Variants in MGAT4A observed in about 807,000 individuals in gnomAD.
MGAT4A encodes alpha-1,3-mannosyl-glycoprotein 4-beta-N-acetylglucosaminyltransferase A.
In MGAT4A, 33 loss-of-function variants were observed where a neutral mutation model predicts 74.1. That is an observed-to-expected ratio of 0.45 (90% confidence interval 0.34 to 0.60). The LOEUF is 0.60. Among genes scored for constraint, MGAT4A ranks in the 20% least tolerant of loss-of-function variants. MGAT4A has a pLI of 0.02. For missense variants in MGAT4A, 479 were observed against 628.3 expected (o/e 0.76, Z 2.54); for synonymous variants, 198 against 210.4 (o/e 0.94, Z 0.51).
intron 2 of MGAT4A, among the ~76,000 whole-genome samples, chr2:98,687,716 A>G (rs1428852895): frequency 1.3e-5 from 2 of 151,788 alleles, no homozygotes; most frequent in Admixed American, 1.3e-4. Flanking sequence ...GTTTCAAATT[A>G]CTGAGGACTT....
In MGAT4A at chr2:98,623,741, A is replaced by C; in HGVS notation, c.*1825T>G. The stretch of plus-strand genomic sequence containing the variant: ...AACATGGAGTGATGGAAATAATTGT[A>C]CTGTATCAGTGTTTCCAAACGTTTG... On this transcript the variant is annotated 3_prime_UTR_variant, in exon 16 of 16. Transcript: ENST00000393487. 4 of 985,460 alleles carry C rather than the reference A, an allele frequency of 4.1e-6. No homozygotes were observed. The highest frequency in any genetic ancestry group is 4.8e-6 in the Non-Finnish European group (4 of 829,930). 61.0% of individuals were successfully genotyped at this position (985,460 alleles called of 1,614,324 possible). A position where few individuals can be genotyped will look rare whatever the true frequency, so the allele number is the denominator to read the frequency against.
At chr2:98,662,402 C>A (rs772398045) in intron 5 of MGAT4A, among the ~76,000 whole-genome samples, 14 of 152,064 alleles carry the variant, frequency 9.2e-5, no homozygotes, top group Non-Finnish European at 1.6e-4. Flanking sequence ...TTGTTTACTT[C>A]TCTAATAAGG....
chr2:98,657,410 CTTAAGA>C (rs1310147519), intron 6 of MGAT4A, among the ~76,000 whole-genome samples: 2 of 152,170 alleles, frequency 1.3e-5, no homozygotes, highest in Non-Finnish European at 2.9e-5. Flanking sequence ...TGCCCTGTTC[CTTAAGA>C]AGTCTATGCC....
chr2:98,685,396 G>A (rs952006075), intron 2 of MGAT4A, among the ~76,000 whole-genome samples: 4 of 152,060 alleles, frequency 2.6e-5, no homozygotes, highest in African/African-American at 9.7e-5. Flanking sequence ...GGAAGCCACT[G>A]CCTTTGAAAA....
chr2:98,626,342 A>G (rs1238141010), intron 14 of MGAT4A, among the ~76,000 whole-genome samples: 1 of 152,180 alleles, frequency 6.6e-6, no homozygotes, highest in Non-Finnish European at 1.5e-5. Context: ...TGCCTCCTCT[A>G]CACAGTTCAA....
At chr2:98,667,177 A>C (rs1701845265) in intron 4 of MGAT4A, among the ~76,000 whole-genome samples, 1 of 152,216 alleles carries the variant, frequency 6.6e-6, no homozygotes, top group South Asian at 2.1e-4. Context: ...CTCCCTAGCC[A>C]CATGGAACTG....
intron 8 of MGAT4A, among the ~76,000 whole-genome samples, chr2:98,654,364 G>T: frequency 1.3e-5 from 2 of 148,196 alleles, no homozygotes; most frequent in South Asian, 2.2e-4. Context: ...AAAAGAAGAA[G>T]TAAAATTATC....
intron 4 of MGAT4A, among the ~76,000 whole-genome samples, chr2:98,665,962 T>C (rs945465714): frequency 6.6e-6 from 1 of 152,232 alleles, no homozygotes; most frequent in African/African-American, 2.4e-5. Context: ...TCACATTGCA[T>C]ATAACAAAGT....
chr2:98,677,297 A>G (rs917913791), intron 3 of MGAT4A, among the ~76,000 whole-genome samples: 1 of 152,312 alleles, frequency 6.6e-6, no homozygotes, highest in Middle Eastern at 3.4e-3. Flanking sequence ...TAGCTCAAAG[A>G]TTTCTCCAGA....
At chr2:98,695,499 T>G (rs1702259054) in intron 2 of MGAT4A, 1 of 173,234 alleles carries the variant, frequency 5.8e-6, no homozygotes, top group South Asian at 1.6e-4. Context: ...ACTAAATGCA[T>G]GCAGGGTGTT....
chr2:98,687,329 G>A (rs1402942250), intron 2 of MGAT4A, among the ~76,000 whole-genome samples: 1 of 152,076 alleles, frequency 6.6e-6, no homozygotes, highest in Admixed American at 6.5e-5. Flanking sequence ...CAAACATATA[G>A]CTAAGTGTAC....
chr2:98,708,137 A>C (rs1444128596), intron 2 of MGAT4A, among the ~76,000 whole-genome samples: 1 of 149,678 alleles, frequency 6.7e-6, no homozygotes, highest in Non-Finnish European at 1.5e-5. Context: ...TAGTGAGCTC[A>C]GTTTTTTTTT....
At chr2:98,656,267 T>C (rs758361805) in intron 7 of MGAT4A, 85 bp downstream of exon 7, 216 of 992,412 alleles carry the variant, frequency 2.2e-4, no homozygotes, top group Admixed American at 3.6e-4. Context: ...AACTCTAAAA[T>C]GTTTTCAGCT....
intron 14 of MGAT4A, among the ~76,000 whole-genome samples, chr2:98,630,271 C>T (rs983023897): frequency 2.0e-5 from 3 of 152,096 alleles, no homozygotes; most frequent in Non-Finnish European, 4.4e-5. Flanking sequence ...AAGAATGAGT[C>T]GTAAACACAC....
chr2:98,690,020 G>T (rs1702174249), intron 2 of MGAT4A, among the ~76,000 whole-genome samples: 1 of 151,710 alleles, frequency 6.6e-6, no homozygotes, highest in African/African-American at 2.4e-5. Flanking sequence ...AAAAAAAAAG[G>T]ACCAAGAAAA....
chr2:98,625,016 A>G lies in MGAT4A; in HGVS notation c.*550T>C. 1.0e-6 allele frequency: 1 copy of G among 984,170 alleles called. No individual in the cohort carries two copies. The highest frequency in any genetic ancestry group is 1.7e-5 in the African/African-American group (1 of 57,320). The allele number at this position is 984,170 out of a possible 1,614,324, so 61.0% of individuals were successfully genotyped here. On this transcript the variant is annotated 3_prime_UTR_variant, in exon 16 of 16. Transcript: ENST00000393487. ...AATGTTTGCATTTCCAAAGAAAAAT[A>G]TAGAAAGAACTTAAAAAAGCAAGGA... is the stretch of plus-strand genomic sequence containing the variant.
Position 98,723,990 on chromosome 2 carries a change from G to A in MGAT4A, c.94+2249C>T, listed in dbSNP as rs369580361. On this transcript the variant is annotated intron_variant, in intron 2 of 15. Coordinates refer to ENST00000393487, the MANE Select transcript of MGAT4A (RefSeq NM_012214.3). ...GGATAATATCTCCAATTGTTGTTAT[G>A]AGGATTAAAATACATATAATACACT... Among the ~76,000 whole-genome samples the A allele has an allele frequency of 4.6e-5, 7 of 152,312 alleles. No homozygotes were observed. The East Asian group carries it at 1.4e-3, about 29-fold the overall frequency.
intron 15 of MGAT4A, 56 bp downstream of exon 15, chr2:98,625,667 A>C: frequency 6.4e-7 from 1 of 1,562,870 alleles, no homozygotes; most frequent in Non-Finnish European, 8.8e-7. Context: ...ATACAAAATA[A>C]AAACATAATA....
chr2:98,662,939 TCACATTTTTTAAAAAGC>T (rs1701772454), intron 5 of MGAT4A, 90 bp downstream of exon 5: 1 of 852,074 alleles, frequency 1.2e-6, no homozygotes, highest in Admixed American at 2.8e-5. Flanking sequence ...GCTTTACTCA[TCACATTTTTTAAAAAGC>T]GTTTTTAAAA....
Sources: gnomAD v4.1 joint callset for allele counts (sites outside exome capture counted in the v4.1 genomes callset) on GRCh38, gnomAD v4.1.1 for gene constraint, MANE v1.5 for transcripts, NCBI Gene and HGNC (gene_info 2026-07-23, HGNC 2026-07-21) for gene names.